The following TEX14 variants were observed in gnomAD, a reference collection of about 807,000 sequenced individuals.
TEX14 encodes testis expressed 14, intercellular bridge forming factor.
TEX14 carries 168 observed loss-of-function variants against 178.6 expected under a neutral mutation model. The observed-to-expected ratio is 0.94, with a 90% CI of 0.83 to 1.07. The LOEUF is 1.07. TEX14 is among the 50% of genes least tolerant of loss of function. The pLI, the probability that TEX14 is intolerant of heterozygous loss-of-function variation, is 0.00. For missense variants in TEX14, 1,730 were observed against 1,753.6 expected (o/e 0.99, Z 0.24); for synonymous variants, 626 against 634.1 (o/e 0.99, Z 0.19).
Position 58,598,343 on chromosome 17 carries a change from G to C in TEX14, c.2469+533C>G, listed in dbSNP as rs368446397. On this transcript the variant is annotated intron_variant, in intron 14 of 31. Transcript: ENST00000349033. ...AAAAAAAAAAAAAAGAAAAAACCCA[G>C]AGTCTAGATAGCCTCTGGCTCTATA... Among the ~76,000 whole-genome samples, 23 of 150,426 alleles carry C rather than the reference G, an allele frequency of 1.5e-4. No homozygotes were observed. In the East Asian group the frequency reaches 4.1e-3, roughly 27 times the overall value.
intron 28 of TEX14, among the ~76,000 whole-genome samples, chr17:58,563,621 T>TTATATATATATATATATATA (rs3034889): frequency 2.2e-5 from 1 of 46,480 alleles, no homozygotes. Flanking sequence ...CATCTCTAAT[T>TTATATATATATATATATATA]TATATATATA....
intron 3 of TEX14, among the ~76,000 whole-genome samples, chr17:58,624,265 C>G (rs748518410): frequency 3.0e-4 from 46 of 152,114 alleles, no homozygotes; most frequent in South Asian, 1.0e-3. Context: ...TGCACTCCAG[C>G]CTGGGAGACA....
At chr17:58,577,088 A>G (rs2044696204) in intron 21 of TEX14, among the ~76,000 whole-genome samples, 2 of 152,196 alleles carry the variant, frequency 1.3e-5, no homozygotes, top group Admixed American at 1.3e-4. Flanking sequence ...CATTCTCAGT[A>G]AGGATTCTTA....
chr17:58,670,122 C>A (rs573080346), intron 1 of TEX14, among the ~76,000 whole-genome samples: 1 of 152,194 alleles, frequency 6.6e-6, no homozygotes, highest in Non-Finnish European at 1.5e-5. Context: ...TCTCTTCCCA[C>A]GCTGAGCTCC....
intron 2 of TEX14, among the ~76,000 whole-genome samples, chr17:58,648,454 T>C (rs1375796748): frequency 6.6e-6 from 1 of 152,174 alleles, no homozygotes; most frequent in Non-Finnish European, 1.5e-5. Flanking sequence ...GCTAGCCTCC[T>C]ATGCTCACCA....
At chr17:58,565,078 C>T in intron 27 of TEX14, 110 bp from the exon 28 acceptor site, 1 of 571,628 alleles carries the variant, frequency 1.7e-6, no homozygotes, top group Non-Finnish European at 3.0e-6. Context: ...CTGAAGTGTG[C>T]AATGCATTAG....
rs2045847692 is a variant in TEX14, at chr17:58,615,298, G to A, written c.815C>T (p.Pro272Leu). Residue 272 changes from proline (P) to leucine (L), a missense_variant, in exon 8 of 32, where the codon CCC (proline) becomes CTC (leucine). This residue lies in a region of TEX14 where 789 missense variants were observed against 681.2 expected (regional missense o/e 1.16). Coordinates refer to ENST00000349033, the MANE Select transcript of TEX14 (RefSeq NM_031272.5). Reference protein sequence around the residue: ...SRVTVKELNLPTHPHCSRLRL... With the variant: ...SRVTVKELNLLTHPHCSRLRL... The stretch of plus-strand genomic sequence containing the variant: ...CAGCCTGCTGCAGTGTGGGTGGGTG[G>A]GGAGATTCAGCTCTTTCACTGTGAC... 1 of 1,613,592 alleles carries A rather than the reference G, an allele frequency of 6.2e-7. No individual in the cohort carries two copies. The highest frequency in any genetic ancestry group is 1.3e-5 in the African/African-American group (1 of 74,892).
intron 1 of TEX14, among the ~76,000 whole-genome samples, chr17:58,666,007 C>T (rs2047196801): frequency 6.6e-6 from 1 of 151,418 alleles, no homozygotes; most frequent in Non-Finnish European, 1.5e-5. Flanking sequence ...CGAGATTGTG[C>T]CACTCAACTC....
chr17:58,570,901 G>T (rs1049489485), intron 24 of TEX14, among the ~76,000 whole-genome samples: 1 of 152,016 alleles, frequency 6.6e-6, no homozygotes, highest in Non-Finnish European at 1.5e-5. Context: ...AAAGTGGTGG[G>T]ATTACAGGCA....
chr17:58,605,507 G>A (rs572219364), intron 10 of TEX14, among the ~76,000 whole-genome samples: 1 of 152,322 alleles, frequency 6.6e-6, no homozygotes, highest in Non-Finnish European at 1.5e-5. Context: ...CAATGAGCTA[G>A]TCCACACTGC....
intron 14 of TEX14, among the ~76,000 whole-genome samples, chr17:58,595,829 C>T (rs1212626722): frequency 1.3e-5 from 2 of 152,204 alleles, no homozygotes; most frequent in African/African-American, 4.8e-5. Context: ...TATTTTAAGC[C>T]ATTAGGTTTT....
intron 1 of TEX14, among the ~76,000 whole-genome samples, chr17:58,656,925 C>CAAAAAAAAAAAA (rs60626361): frequency 3.8e-5 from 3 of 79,532 alleles, no homozygotes; most frequent in African/African-American, 1.1e-4. Context: ...TCCCATCTCA[C>CAAAAAAAAAAAA]AAAAAAAAAA....
Position 58,673,365 on chromosome 17 carries a change from C to T in TEX14, c.-2+18574G>A, listed in dbSNP as rs113044016. Among the ~76,000 whole-genome samples the T allele has an allele frequency of 9.2e-3, 1,399 of 151,446 alleles. 25 individuals carry two copies. Among genetic ancestry groups the T allele is most frequent in the African/African-American group, 0.031 (1,293 of 41,332 alleles). On this transcript the variant is annotated intron_variant, in intron 1 of 31. Transcript: ENST00000349033. ...AGGCGTAGTGGTGCACACCTGTAGT[C>T]CCAGCTACTCAGGAGGCTGAGGCAG...
chr17:58,666,971 C>A (rs1025935411), intron 1 of TEX14, among the ~76,000 whole-genome samples: 1 of 152,194 alleles, frequency 6.6e-6, no homozygotes, highest in African/African-American at 2.4e-5. Context: ...GTTCTCATCT[C>A]GGCCCGCTTC....
chr17:58,642,513 A>G (rs2046597378), intron 2 of TEX14, among the ~76,000 whole-genome samples: 2 of 151,618 alleles, frequency 1.3e-5, no homozygotes, highest in Admixed American at 1.3e-4. Context: ...CCATATATAT[A>G]TACATTTTAT....
In TEX14 at chr17:58,559,572, CAATT is replaced by C. The variant is rs749189631; in HGVS notation, c.4158-14_4158-11del. The C allele has an allele frequency of 1.5e-6, 2 of 1,371,846 alleles. No homozygotes were observed. The highest frequency in any genetic ancestry group is 1.4e-5 in the African/African-American group (1 of 69,122). 85.0% of individuals were successfully genotyped at this position (1,371,846 alleles called of 1,614,324 possible). A position where few individuals can be genotyped will look rare whatever the true frequency, so the allele number is the denominator to read the frequency against. On this transcript the variant is annotated splice_polypyrimidine_tract_variant and intron_variant, in intron 29 of 31. Transcript: ENST00000349033. ...TTTGATATTTGTCTCCCTGTAACAACAATTATTTGGGGAATCAAAACGTATACAC... is the reference window on the plus strand; with the variant it reads ...TTTGATATTTGTCTCCCTGTAACAACATTTGGGGAATCAAAACGTATACAC...
Position 58,556,960 on chromosome 17 carries a change from A to C in TEX14, c.*51T>G, listed in dbSNP as rs78461354. 1 of 1,479,398 alleles carries C rather than the reference A, an allele frequency of 6.8e-7. No homozygotes were observed. The highest frequency in any genetic ancestry group is 2.3e-5 in the East Asian group (1 of 44,274). 91.6% of individuals were successfully genotyped at this position (1,479,398 alleles called of 1,614,324 possible). A position where few individuals can be genotyped will look rare whatever the true frequency, so the allele number is the denominator to read the frequency against. On this transcript the variant is annotated 3_prime_UTR_variant, in exon 32 of 32. Transcript: ENST00000349033. ...GCAGAAAGAGAAGAAAGGAGCTTACAACCAGGACACTCAAACTCAGGCCAG... is the reference window on the plus strand; with the variant it reads ...GCAGAAAGAGAAGAAAGGAGCTTACCACCAGGACACTCAAACTCAGGCCAG...
chr17:58,595,916 C>G (rs538430041), intron 14 of TEX14, among the ~76,000 whole-genome samples: 1 of 152,198 alleles, frequency 6.6e-6, no homozygotes, highest in Non-Finnish European at 1.5e-5. Flanking sequence ...CGGGCGCGGT[C>G]GCTCACACCT....
chr17:58,664,732 T>C (rs1241517978), intron 1 of TEX14, among the ~76,000 whole-genome samples: 1 of 152,208 alleles, frequency 6.6e-6, no homozygotes, highest in African/African-American at 2.4e-5. Flanking sequence ...TCCATTAAAA[T>C]ATATGTTAAA....
Sources: gnomAD v4.1 joint callset for allele counts (sites outside exome capture counted in the v4.1 genomes callset) on GRCh38, gnomAD v4.1.1 for gene constraint, gnomAD v4.1.1 regional missense constraint, MANE v1.5 for transcripts, NCBI Gene and HGNC (gene_info 2026-07-23, HGNC 2026-07-21) for gene names.